Variants in REEP3 observed in about 807,000 individuals in gnomAD.
REEP3 encodes the protein receptor expression-enhancing protein 3.
A neutral mutation model predicts 41.3 loss-of-function variants in REEP3; 20 were observed. That is an observed-to-expected ratio of 0.48 (90% CI 0.34 to 0.70). The LOEUF is 0.70. Ranked by LOEUF, REEP3 falls within the 30% of genes least tolerant of loss-of-function variation. The pLI, the probability that REEP3 is intolerant of heterozygous loss-of-function variation, is 0.01. For missense variants in REEP3, 271 were observed against 308.8 expected (o/e 0.88, Z 0.92); for synonymous variants, 104 against 101.8 (o/e 1.02, Z -0.13).
chr10:63,586,936 A>G (rs1956013010), intron 2 of REEP3, among the ~76,000 whole-genome samples: 1 of 151,980 alleles, frequency 6.6e-6, no homozygotes, highest in Admixed American at 6.6e-5. Context: ...GCAAAATAAA[A>G]CATCAAACAT....
intron 3 of REEP3, among the ~76,000 whole-genome samples, chr10:63,595,194 A>G (rs1956102379): frequency 6.6e-6 from 1 of 152,210 alleles, no homozygotes; most frequent in African/African-American, 2.4e-5. Context: ...TCCACTTTTG[A>G]AGCCCACAGC....
At chr10:63,591,107 G>A (rs1036014151) in intron 2 of REEP3, among the ~76,000 whole-genome samples, 2 of 142,656 alleles carry the variant, frequency 1.4e-5, no homozygotes, top group Non-Finnish European at 3.0e-5. Flanking sequence ...CATACATTTA[G>A]GTTTTGTGTT....
At position 63,616,519 on chromosome 10, in the gene REEP3, T is replaced by C. The variant is rs147218235; in HGVS notation, c.566-3136T>C. On this transcript the variant is annotated intron_variant, in intron 6 of 7. Coordinates refer to ENST00000373758, the MANE Select transcript of REEP3 (RefSeq NM_001001330.3). ...CAATCCATCACTTTTCCTGAAGCTA[T>C]AATTAGATAGCTAATAAGATTTTTT... Among the ~76,000 whole-genome samples, 332 of 152,306 alleles carry C rather than the reference T, an allele frequency of 2.2e-3. 2 individuals are homozygous for C. The highest frequency in any genetic ancestry group is 7.5e-3 in the African/African-American group (313 of 41,552).
chr10:63,552,071 C>T (rs1316853811), intron 1 of REEP3, among the ~76,000 whole-genome samples: 2 of 152,096 alleles, frequency 1.3e-5, no homozygotes, highest in Non-Finnish European at 2.9e-5. Flanking sequence ...CTAAATAAGG[C>T]ATTATCTTAT....
At chr10:63,545,680 G>GTTTTTTT (rs55779021) in intron 1 of REEP3, among the ~76,000 whole-genome samples, 17 of 55,414 alleles carry the variant, frequency 3.1e-4, no homozygotes, top group Admixed American at 5.9e-4. Flanking sequence ...GCCAACTTCT[G>GTTTTTTT]TTTTTTTTTT....
At chr10:63,589,811 T>TTTTTTG (rs60023998) in intron 2 of REEP3, among the ~76,000 whole-genome samples, 1 of 131,046 alleles carries the variant, frequency 7.6e-6, no homozygotes, top group Non-Finnish European at 1.6e-5. Context: ...TTTTTTTTTT[T>TTTTTTG]GGAAACGGAG....
intron 2 of REEP3, among the ~76,000 whole-genome samples, chr10:63,592,200 G>A (rs910400368): frequency 1.3e-5 from 2 of 152,148 alleles, no homozygotes; most frequent in Non-Finnish European, 2.9e-5. Flanking sequence ...TTAAAAAGCT[G>A]CATCCTTTGG....
intron 1 of REEP3, among the ~76,000 whole-genome samples, chr10:63,555,723 A>G (rs1171580370): frequency 6.6e-6 from 1 of 152,216 alleles, no homozygotes; most frequent in Non-Finnish European, 1.5e-5. Flanking sequence ...CTGACAACAT[A>G]TTGCTTAATC....
At chr10:63,549,022 C>T (rs770917096) in intron 1 of REEP3, among the ~76,000 whole-genome samples, 1 of 151,334 alleles carries the variant, frequency 6.6e-6, no homozygotes, top group Non-Finnish European at 1.5e-5. Context: ...AAAAGTACAG[C>T]TTACTCAGAG....
rs368723146 is a variant in REEP3 at position 63,619,784 on chromosome 10, C to G, written c.695C>G (p.Thr232Ser). ...RSQSMKSVKT[T>S]KGRKEVRYGS... is the part of the protein sequence containing the mutation. ...CAAAGCATGAAATCTGTGAAAACCA[C>G]CAAAGGCCGCAAAGAGGTTGGTTAA... The change falls in exon 7 of 8, where the codon ACC becomes AGC. Residue 232 changes from threonine to serine, a missense_variant. Transcript: ENST00000373758. The G allele has an allele frequency of 1.3e-5, 21 of 1,608,918 alleles. No individual in the cohort carries two copies. The highest frequency in any genetic ancestry group is 1.7e-5 in the Non-Finnish European group (20 of 1,177,658).
chr10:63,620,840 G>A lies in REEP3; in HGVS notation c.739G>A (p.Val247Met). The A allele has an allele frequency of 1.9e-6, 3 of 1,608,368 alleles. No homozygotes were observed. Among genetic ancestry groups the A allele is most frequent in the East Asian group, 2.2e-5 (1 of 44,682 alleles). ...GCGGTACGGGTCACTAAAATACAAA[G>A]TGAAGAAACGACCACAAGTGTATTT... Reference protein sequence around the residue: ...EVRYGSLKYKVKKRPQVYF With the variant: ...EVRYGSLKYKMKKRPQVYF Residue 247 changes from valine (V) to methionine (M), a missense_variant, in exon 8 of 8, where the codon GTG becomes ATG. Physicochemically the swap from Val to Met is conservative, Grantham distance 21. Coordinates refer to ENST00000373758, the MANE Select transcript of REEP3 (RefSeq NM_001001330.3).
At chr10:63,536,970 C>T (rs1380584224) in intron 1 of REEP3, among the ~76,000 whole-genome samples, 3 of 152,208 alleles carry the variant, frequency 2.0e-5, no homozygotes, top group South Asian at 2.1e-4. Flanking sequence ...GTGTTAATCA[C>T]TCACATACCC....
intron 2 of REEP3, among the ~76,000 whole-genome samples, chr10:63,570,023 T>C (rs1386574732): frequency 6.6e-6 from 1 of 152,172 alleles, no homozygotes; most frequent in South Asian, 2.1e-4. Context: ...TTCAATTTTG[T>C]TAATATTAAT....
chr10:63,524,634 CAG>C (rs949163193), intron 1 of REEP3, among the ~76,000 whole-genome samples: 1 of 152,014 alleles, frequency 6.6e-6, no homozygotes, highest in African/African-American at 2.4e-5. Context: ...TTAGTAGAGA[CAG>C]GGTTTCACCA....
At chr10:63,584,333 G>A (rs1286890109) in intron 2 of REEP3, among the ~76,000 whole-genome samples, 1 of 150,682 alleles carries the variant, frequency 6.6e-6, no homozygotes, top group Non-Finnish European at 1.5e-5. Flanking sequence ...GTTAAAACCT[G>A]CTTAGATGGG....
At chr10:63,596,484 T>C (rs1956116484) in intron 3 of REEP3, among the ~76,000 whole-genome samples, 1 of 152,204 alleles carries the variant, frequency 6.6e-6, no homozygotes, top group Non-Finnish European at 1.5e-5. Flanking sequence ...AGAGACCTCT[T>C]TGTTGACTAC....
intron 1 of REEP3, among the ~76,000 whole-genome samples, chr10:63,531,885 A>T (rs1437716743): frequency 6.6e-6 from 1 of 152,240 alleles, no homozygotes; most frequent in Non-Finnish European, 1.5e-5. Flanking sequence ...TACTGTTGCT[A>T]CTTGTAGAAA....
chr10:63,594,013 A>G (rs1398097717), intron 2 of REEP3, among the ~76,000 whole-genome samples: 2 of 152,166 alleles, frequency 1.3e-5, no homozygotes, highest in South Asian at 2.1e-4. Context: ...ATATTGGGAA[A>G]TAAGGAATAT....
intron 5 of REEP3, among the ~76,000 whole-genome samples, chr10:63,602,029 C>G (rs1309151309): frequency 6.6e-6 from 1 of 151,818 alleles, no homozygotes; most frequent in African/African-American, 2.4e-5. Flanking sequence ...CACTGGTGCC[C>G]ATGTAGCTGC....
Sources: gnomAD v4.1 joint callset for allele counts (sites outside exome capture counted in the v4.1 genomes callset) on GRCh38, gnomAD v4.1.1 for gene constraint, MANE v1.5 for transcripts, NCBI Gene and HGNC (gene_info 2026-07-23, HGNC 2026-07-21) for gene names.